The following ZNF808 variants were observed in gnomAD, a reference collection of about 807,000 sequenced individuals.
ZNF808 encodes the protein zinc finger protein 808.
ZNF808 carries 5 observed loss-of-function variants against 8.7 expected under a neutral mutation model. The ratio of observed to expected loss-of-function variants is 0.58; its 90% CI spans 0.30 to 1.21. The LOEUF is 1.21. ZNF808 is among the 50% of genes most tolerant of loss of function. The pLI is 0.07. For missense variants in ZNF808, 1,103 were observed against 1,098.4 expected, an observed-to-expected ratio of 1.00 and a Z score of -0.06; for synonymous variants, 380 against 366.0, an observed-to-expected ratio of 1.04 and a Z score of -0.44.
chr19:52,555,657 A>T lies in ZNF808; in HGVS notation c.*29A>T, dbSNP rs897103993. The T allele has an allele frequency of 6.3e-7, 1 of 1,577,826 alleles. No homozygotes were observed. Among genetic ancestry groups the T allele is most frequent in the Non-Finnish European group, 8.6e-7 (1 of 1,164,470 alleles). On this transcript the variant is annotated 3_prime_UTR_variant, in exon 5 of 5. Coordinates refer to ENST00000359798, the MANE Select transcript of ZNF808 (RefSeq NM_001039886.4). ...AATGATTGTCACAAAGTCTTCAGTA[A>T]CACTACAACAATTGCAAATCATTGG...
chr19:52,541,883 C>G (rs1161638035), intron 2 of ZNF808, among the ~76,000 whole-genome samples: 2 of 152,244 alleles, frequency 1.3e-5, no homozygotes, highest in Non-Finnish European at 2.9e-5. Context: ...CTTCAGGTGT[C>G]CACGAGTGGC....
downstream of ZNF808, among the ~76,000 whole-genome samples, chr19:52,559,416 C>T (rs1323950492): frequency 6.6e-6 from 1 of 152,130 alleles, no homozygotes; most frequent in Non-Finnish European, 1.5e-5. Flanking sequence ...TGCTGACCCT[C>T]TCTCCACTAT....
intron 3 of ZNF808, among the ~76,000 whole-genome samples, chr19:52,562,779 C>T (rs1417378151): frequency 6.7e-6 from 1 of 148,234 alleles, no homozygotes; most frequent in Non-Finnish European, 1.5e-5. Flanking sequence ...TTAGTCAATT[C>T]TTTTTTTTTT....
intron 1 of ZNF808, among the ~76,000 whole-genome samples, chr19:52,528,702 G>A (rs926362010): frequency 3.9e-5 from 6 of 152,018 alleles, no homozygotes; most frequent in Non-Finnish European, 7.4e-5. Context: ...AAGGAGAACC[G>A]AGGGAGAAAC....
chr19:52,543,402 T>C lies in ZNF808; in HGVS notation c.63+55T>C, dbSNP rs192364479. The C allele has an allele frequency of 9.4e-6, 15 of 1,593,066 alleles. No individual in the cohort carries two copies. The African/African-American group carries it at 2.0e-4, about 21-fold the overall frequency. On this transcript the variant is annotated intron_variant, in intron 3 of 4. Coordinates refer to ENST00000359798, the MANE Select transcript of ZNF808 (RefSeq NM_001039886.4). ...TGTCTCTTTCCTTTCTGAAATGTAG[T>C]AGTATTATATTGTATTGTAGTAATG...
chr19:52,530,778 A>T (rs1315411301), intron 1 of ZNF808, among the ~76,000 whole-genome samples: 1 of 151,946 alleles, frequency 6.6e-6, no homozygotes, highest in African/African-American at 2.4e-5. Context: ...CTCGAGACCA[A>T]CCTGGCCTAC....
intron 2 of ZNF808, among the ~76,000 whole-genome samples, chr19:52,540,982 C>T (rs1193591405): frequency 3.3e-5 from 5 of 152,080 alleles, no homozygotes; most frequent in South Asian, 2.1e-4. Flanking sequence ...GATGGAGTCT[C>T]GCTCTGTCAC....
intron 2 of ZNF808, among the ~76,000 whole-genome samples, chr19:52,541,084 A>T (rs542673359): frequency 6.6e-6 from 1 of 151,972 alleles, no homozygotes; most frequent in East Asian, 1.9e-4. Flanking sequence ...CCTGAGTAGC[A>T]GGGACTACAG....
rs1055197115 is a variant in ZNF808 at position 52,555,920 on chromosome 19, C to T, written c.*292C>T. 1.1e-4 allele frequency: 73 copies of T among 670,678 alleles called. 1 individual carries two copies. The highest frequency in any genetic ancestry group is 1.1e-3 in the East Asian group (31 of 28,932). The allele number at this position is 670,678 out of a possible 1,614,324, so 41.5% of individuals were successfully genotyped here. A position where few individuals can be genotyped will look rare whatever the true frequency, so the allele number is the denominator to read the frequency against. ...AAGCCTTTACTTCACATTCACACCTCGTTGGACATCAGAGAATCCATACTG... is the reference window on the plus strand; with the variant it reads ...AAGCCTTTACTTCACATTCACACCTTGTTGGACATCAGAGAATCCATACTG... On this transcript the variant is annotated 3_prime_UTR_variant, in exon 5 of 5. Transcript: ENST00000359798.
Position 52,553,845 on chromosome 19 carries a change from C to T in ZNF808, c.929C>T (p.Thr310Ile), listed in dbSNP as rs757935362. The change falls in exon 5 of 5, where the codon ACT (threonine) becomes ATT (isoleucine). Residue 310 changes from threonine (T) to isoleucine (I), a missense_variant. Physicochemically the swap from Thr to Ile is moderately conservative, Grantham distance 89. Coordinates refer to ENST00000359798, the MANE Select transcript of ZNF808 (RefSeq NM_001039886.4). ...CTTACATGCCATCATAGACTTCATA[C>T]TGGAGTAAAACCTTACAAGTGTAAT... is the stretch of plus-strand genomic sequence containing the variant. The part of the protein sequence containing the change: ...SSLTCHHRLH[T>I]GVKPYKCNEC... 4 of 1,614,002 alleles carry T rather than the reference C, an allele frequency of 2.5e-6. No homozygotes were observed. The highest frequency in any genetic ancestry group is 2.2e-5 in the South Asian group (2 of 91,086).
downstream of ZNF808, among the ~76,000 whole-genome samples, chr19:52,561,314 T>G (rs1600053358): frequency 6.6e-6 from 1 of 151,590 alleles, no homozygotes; most frequent in Non-Finnish European, 1.5e-5. Flanking sequence ...TGTATACATG[T>G]TCCATGTTGG....
downstream of ZNF808, among the ~76,000 whole-genome samples, chr19:52,561,194 CTCTCTCTCTCTCTCTCTCTATATATA>C (rs1369074972): frequency 2.8e-3 from 195 of 68,770 alleles, 8 homozygotes; most frequent in African/African-American, 7.8e-3. Flanking sequence ...CTCTCTCTCT[CTCTCTCTCTCTCTCTCTCTATATATA>C]TATATATATA....
intron 3 of ZNF808, among the ~76,000 whole-genome samples, chr19:52,561,855 G>T (rs928340517): frequency 4.6e-5 from 7 of 151,998 alleles, no homozygotes; most frequent in Non-Finnish European, 8.8e-5. Context: ...CTGCCTCCAG[G>T]GTTTTAAAAC....
chr19:52,555,552 AGT>A lies in ZNF808; in HGVS notation c.2640_2641del (p.Cys880TrpfsTer5), dbSNP rs772050817. Reference sequence around the variant, plus strand: ...GGAGAGAAACCTTACAAGTGTAATGAGTGTGGCAAAGCCTTTAGTGACCGGTC... The same window carrying A: ...GGAGAGAAACCTTACAAGTGTAATGAGTGGCAAAGCCTTTAGTGACCGGTC... On this transcript the variant is annotated frameshift_variant, in exon 5 of 5. Coordinates refer to ENST00000359798, the MANE Select transcript of ZNF808 (RefSeq NM_001039886.4). LOFTEE classifies it low-confidence loss of function (END_TRUNC). 1.5e-5 allele frequency: 25 copies of A among 1,613,934 alleles called. No homozygotes were observed. The highest frequency in any genetic ancestry group is 2.1e-5 in the Non-Finnish European group (25 of 1,179,954).
exon 4 of ZNF808, chr19:52,564,262 A>G (rs1215500845): frequency 1.2e-6 from 1 of 834,122 alleles, no homozygotes; most frequent in South Asian, 1.4e-5. Flanking sequence ...ACACATATTT[A>G]TGCTGTGTGA....
Position 52,555,039 on chromosome 19 carries a change from A to AG in ZNF808, c.2124dup (p.Cys709ValfsTer2). The AG allele has an allele frequency of 6.2e-7, 1 of 1,614,046 alleles. No homozygotes were observed. The highest frequency in any genetic ancestry group is 8.5e-7 in the Non-Finnish European group (1 of 1,180,000). On this transcript the variant is annotated frameshift_variant, in exon 5 of 5. Coordinates refer to ENST00000359798, the MANE Select transcript of ZNF808 (RefSeq NM_001039886.4). LOFTEE classifies it low-confidence loss of function (END_TRUNC). ...ATTCACAGTGGAATGAAACCTTACA[A>AG]GTGTAATGAGTGCAGCAAGACCTTC...
intron 2 of ZNF808, among the ~76,000 whole-genome samples, chr19:52,538,552 C>G (rs1279954772): frequency 3.3e-5 from 5 of 149,318 alleles, no homozygotes; most frequent in Non-Finnish European, 4.4e-5. Flanking sequence ...CACTTGAACC[C>G]AGGAGGCAGA....
chr19:52,565,738 A>G (rs1409411761), downstream of ZNF808, among the ~76,000 whole-genome samples: 1 of 152,222 alleles, frequency 6.6e-6, no homozygotes, highest in Non-Finnish European at 1.5e-5. Context: ...GACTCAAACA[A>G]TGTGATCATT....
chr19:52,557,283 T>G (rs573938572), downstream of ZNF808, among the ~76,000 whole-genome samples: 11 of 150,978 alleles, frequency 7.3e-5, no homozygotes, highest in South Asian at 1.9e-3. Flanking sequence ...TTTTTTTTTT[T>G]GAGATGGAGT....
Sources: gnomAD v4.1 joint callset for allele counts (sites outside exome capture counted in the v4.1 genomes callset) on GRCh38, gnomAD v4.1.1 for gene constraint, MANE v1.5 for transcripts, NCBI Gene and HGNC (gene_info 2026-07-23, HGNC 2026-07-21) for gene names.